The following PRTFDC1 variants were observed in gnomAD, a reference collection of about 807,000 sequenced individuals.
The protein encoded by PRTFDC1 is phosphoribosyl transferase domain containing 1.
In PRTFDC1, 38 loss-of-function variants were observed where a neutral mutation model predicts 34.6. That is an observed-to-expected ratio of 1.10 (90% CI 0.85 to 1.44). PRTFDC1 has a LOEUF of 1.44. PRTFDC1 is among the 40% of genes most tolerant of loss of function. The pLI is 0.00. For missense variants in PRTFDC1, 270 were observed against 283.0 expected (o/e 0.95, Z 0.33); for synonymous variants, 93 against 98.1 (o/e 0.95, Z 0.31).
At chr10:24,911,460 C>T (rs149049825) in intron 3 of PRTFDC1, among the ~76,000 whole-genome samples, 191 of 152,300 alleles carry the variant, frequency 1.3e-3, no homozygotes, top group Non-Finnish European at 2.3e-3. Context: ...CATTCATGGA[C>T]GTACCACAGT....
chr10:24,856,537 G>A lies in PRTFDC1; in HGVS notation c.506+376C>T, dbSNP rs12221219. 7.6e-4 allele frequency among the ~76,000 whole-genome samples: 116 copies of A among 152,116 alleles called. 2 individuals are homozygous for A. In the East Asian group the frequency reaches 0.02, roughly 26 times the overall value. ...CAGGGGGTGGAGGTTGCAGTGAGCC[G>A]AGATTGTGCTACTGCACTCCAGCCC... is the stretch of plus-strand genomic sequence containing the variant. On this transcript the variant is annotated intron_variant, in intron 6 of 8. Transcript: ENST00000320152.
At chr10:24,856,072 C>T (rs1248495927) in intron 6 of PRTFDC1, among the ~76,000 whole-genome samples, 4 of 128,538 alleles carry the variant, frequency 3.1e-5, no homozygotes, top group African/African-American at 9.2e-5. Context: ...TGAGATTGTA[C>T]CACTGCACTC....
intron 3 of PRTFDC1, among the ~76,000 whole-genome samples, chr10:24,928,810 G>C (rs541486760): frequency 3.0e-4 from 45 of 151,614 alleles, no homozygotes; most frequent in Non-Finnish European, 5.4e-4. Context: ...GGCCGAGACA[G>C]GCAGATCACG....
intron 3 of PRTFDC1, among the ~76,000 whole-genome samples, chr10:24,892,895 C>A (rs774417911): frequency 6.6e-6 from 1 of 152,082 alleles, no homozygotes; most frequent in Non-Finnish European, 1.5e-5. Context: ...TTTTTAAACC[C>A]GCCACATAAA....
chr10:24,937,171 T>G lies in PRTFDC1; in HGVS notation c.339+13A>C. The G allele has an allele frequency of 6.3e-7, 1 of 1,594,338 alleles. No homozygotes were observed. The highest frequency in any genetic ancestry group is 8.6e-7 in the Non-Finnish European group (1 of 1,166,660). The stretch of plus-strand genomic sequence containing the variant: ...AAATGAAATGTCATAAAGCGGAACT[T>G]GTAATAACTTACCCTGTAACTTTTT... On this transcript the variant is annotated intron_variant, in intron 3 of 8. Transcript: ENST00000320152.
At chr10:24,858,330 G>A (rs757728590) in intron 5 of PRTFDC1, 62 bp downstream of exon 5, 71 of 1,560,594 alleles carry the variant, frequency 4.5e-5, no homozygotes, top group Middle Eastern at 3.3e-4. Context: ...AAGGTTTACC[G>A]TTTAAAACTC....
rs774198312 is a variant in PRTFDC1 at position 24,942,345 on chromosome 10, C to T, written c.140G>A (p.Gly47Asp). ...GDLEYVLIPH[G>D]IIVDRIERLA... ...TCACACTCACCTGTCCACAATGATA[C>T]CATGAGGGATGAGGACATACTCCAA... Residue 47 changes from glycine (G) to aspartate (D), a missense_variant, in exon 2 of 9, where the codon GGT becomes GAT. Coordinates refer to ENST00000320152, the MANE Select transcript of PRTFDC1 (RefSeq NM_020200.7). The T allele has an allele frequency of 3.7e-6, 6 of 1,611,498 alleles. No individual in the cohort carries two copies. Among genetic ancestry groups the T allele is most frequent in the South Asian group, 3.3e-5 (3 of 91,046 alleles).
chr10:24,894,543 T>C lies in PRTFDC1; in HGVS notation c.340-22480A>G, dbSNP rs143218585. 3.9e-5 allele frequency among the ~76,000 whole-genome samples: 6 copies of C among 152,228 alleles called. No individual in the cohort carries two copies. The East Asian group carries it at 1.2e-3, about 30-fold the overall frequency. On this transcript the variant is annotated intron_variant, in intron 3 of 8. Transcript: ENST00000320152. ...GTCAGTGGAGAAGAGTGGTTTCTTTTTCCACTTCATGCAGCTCAGAGTTCT... is the reference window on the plus strand; with the variant it reads ...GTCAGTGGAGAAGAGTGGTTTCTTTCTCCACTTCATGCAGCTCAGAGTTCT...
At chr10:24,949,649 C>CT (rs1311759261) in intron 1 of PRTFDC1, among the ~76,000 whole-genome samples, 1 of 152,068 alleles carries the variant, frequency 6.6e-6, no homozygotes, top group African/African-American at 2.4e-5. Flanking sequence ...TATTTCCCAC[C>CT]TTTGTGGGCT....
chr10:24,944,390 C>T (rs142287028), intron 1 of PRTFDC1, among the ~76,000 whole-genome samples: 100 of 152,302 alleles, frequency 6.6e-4, no homozygotes, highest in African/African-American at 2.4e-3. Flanking sequence ...AGTCCATTGC[C>T]ACCATGATTT....
intron 3 of PRTFDC1, among the ~76,000 whole-genome samples, chr10:24,925,830 G>A (rs1020409760): frequency 6.6e-6 from 1 of 152,120 alleles, no homozygotes; most frequent in African/African-American, 2.4e-5. Flanking sequence ...GAAGAAATCC[G>A]ACCTTAGGTG....
chr10:24,876,030 C>A (rs942349857), intron 3 of PRTFDC1, among the ~76,000 whole-genome samples: 3 of 151,792 alleles, frequency 2.0e-5, no homozygotes, highest in African/African-American at 7.3e-5. Flanking sequence ...CTTATCAGAG[C>A]TTTTTAGTAT....
chr10:24,861,044 G>T (rs899853117), intron 4 of PRTFDC1, among the ~76,000 whole-genome samples: 3 of 152,060 alleles, frequency 2.0e-5, no homozygotes, highest in African/African-American at 7.3e-5. Context: ...ACAGAACCTT[G>T]CAAAACAATA....
rs543754224 is a variant in PRTFDC1 at position 24,909,865 on chromosome 10, T to A, written c.339+27319A>T. Among the ~76,000 whole-genome samples the A allele has an allele frequency of 3.3e-5, 5 of 152,154 alleles. No homozygotes were observed. In the East Asian group the frequency reaches 9.6e-4, roughly 29 times the overall value. ...GAAACATTCCAACGAAATACATAAA[T>A]TTTGGCCAGGCGTGTTGGCTCATGC... On this transcript the variant is annotated intron_variant, in intron 3 of 8. Coordinates refer to ENST00000320152, the MANE Select transcript of PRTFDC1 (RefSeq NM_020200.7).
chr10:24,904,833 C>T (rs1848507084), intron 3 of PRTFDC1, among the ~76,000 whole-genome samples: 1 of 152,180 alleles, frequency 6.6e-6, no homozygotes, highest in Non-Finnish European at 1.5e-5. Context: ...CCTTCAACCC[C>T]ATTTCATATT....
rs112142427 is a variant in PRTFDC1 at position 24,856,511 on chromosome 10, C to A, written c.506+402G>T. The stretch of plus-strand genomic sequence containing the variant: ...GCTGAGGCATCAGAATTGTTTGAAC[C>A]CAGGGGGTGGAGGTTGCAGTGAGCC... On this transcript the variant is annotated intron_variant, in intron 6 of 8. Transcript: ENST00000320152. 5.7e-3 allele frequency among the ~76,000 whole-genome samples: 862 copies of A among 152,286 alleles called. 11 individuals are homozygous for A. Among genetic ancestry groups the A allele is most frequent in the African/African-American group, 0.019 (808 of 41,552 alleles).
At chr10:24,853,491 C>T (rs565204448) in intron 7 of PRTFDC1, among the ~76,000 whole-genome samples, 1 of 152,072 alleles carries the variant, frequency 6.6e-6, no homozygotes, top group African/African-American at 2.4e-5. Flanking sequence ...ACCTGTAGTC[C>T]CAGCTACTTG....
At chr10:24,880,584 CTG>C (rs1848049592) in intron 3 of PRTFDC1, among the ~76,000 whole-genome samples, 1 of 152,194 alleles carries the variant, frequency 6.6e-6, no homozygotes. Flanking sequence ...GCCATGTGCT[CTG>C]TGGTTAGGGT....
chr10:24,891,299 C>A (rs1848257566), intron 3 of PRTFDC1, among the ~76,000 whole-genome samples: 1 of 151,634 alleles, frequency 6.6e-6, no homozygotes. Flanking sequence ...GGATATATAC[C>A]CTTAACATAA....
Sources: allele counts gnomAD v4.1 joint callset (sites outside exome capture counted in the v4.1 genomes callset), GRCh38; gene constraint gnomAD v4.1.1; transcripts MANE v1.5; gene names NCBI Gene and HGNC (gene_info 2026-07-23, HGNC 2026-07-21).